DOCK3: variants seen among roughly 807,000 people sequenced by gnomAD.
DOCK3 encodes the protein dedicator of cytokinesis protein 3.
A neutral mutation model predicts 265.6 loss-of-function variants in DOCK3; 60 were observed. That is an observed-to-expected ratio of 0.23 (90% CI 0.18 to 0.28). The LOEUF (loss-of-function observed/expected upper bound fraction) is 0.28. Ranked by LOEUF, DOCK3 falls within the 10% of genes least tolerant of loss-of-function variation. The pLI is 1.00. For missense variants in DOCK3, 1,981 were observed against 2,594.3 expected (o/e 0.76, Z 5.14); for synonymous variants, 881 against 938.0 (o/e 0.94, Z 1.11).
chr3:51,377,148 G>C (rs1369459849), intron 51 of DOCK3, among the ~76,000 whole-genome samples: 1 of 152,232 alleles, frequency 6.6e-6, no homozygotes, highest in African/African-American at 2.4e-5. Context: ...TCAGGCCAAG[G>C]CCAGACTACG....
At chr3:51,334,446 T>C (rs895550878) in intron 35 of DOCK3, among the ~76,000 whole-genome samples, 1 of 152,204 alleles carries the variant, frequency 6.6e-6, no homozygotes, top group Non-Finnish European at 1.5e-5. Context: ...CAGTTGCTGC[T>C]GAAGTAGAAG....
At chr3:51,310,119 T>G in intron 27 of DOCK3, 113 bp from the exon 28 acceptor site, 1 of 785,600 alleles carries the variant, frequency 1.3e-6, no homozygotes, top group Non-Finnish European at 2.2e-6. Context: ...GAGAACCAGA[T>G]CTAACTCACT....
intron 32 of DOCK3, among the ~76,000 whole-genome samples, chr3:51,320,957 C>T (rs772477210): frequency 2.6e-5 from 4 of 152,240 alleles, no homozygotes; most frequent in Non-Finnish European, 5.9e-5. Flanking sequence ...GAATCTCCCA[C>T]CACAGTGTTT....
chr3:50,835,980 CAATA>C (rs1363011603), intron 2 of DOCK3, among the ~76,000 whole-genome samples: 1 of 152,104 alleles, frequency 6.6e-6, no homozygotes, highest in Middle Eastern at 3.2e-3. Flanking sequence ...CCATAACTGC[CAATA>C]GCCATTGCTA....
intron 1 of DOCK3, among the ~76,000 whole-genome samples, chr3:50,744,071 G>T (rs990179978): frequency 6.6e-6 from 1 of 152,110 alleles, no homozygotes; most frequent in Non-Finnish European, 1.5e-5. Context: ...TGTGCTTGTT[G>T]TTCATTTGTA....
intron 5 of DOCK3, among the ~76,000 whole-genome samples, chr3:50,968,553 ATT>A (rs749920591): frequency 1.4e-5 from 2 of 139,350 alleles, no homozygotes; most frequent in Admixed American, 7.2e-5. Flanking sequence ...TATGATTTCA[ATT>A]TTTTTTTTTT....
chr3:50,908,594 A>T (rs913132723), intron 4 of DOCK3, among the ~76,000 whole-genome samples: 1 of 151,826 alleles, frequency 6.6e-6, no homozygotes, highest in Non-Finnish European at 1.5e-5. Flanking sequence ...GACTGTCTTG[A>T]TTTTAGTTCT....
intron 9 of DOCK3, among the ~76,000 whole-genome samples, chr3:51,106,492 T>C (rs2083285399): frequency 6.6e-6 from 1 of 152,174 alleles, no homozygotes; most frequent in African/African-American, 2.4e-5. Flanking sequence ...CACCCTGCCA[T>C]GCCACACCTG....
intron 27 of DOCK3, among the ~76,000 whole-genome samples, chr3:51,309,911 C>T (rs926339388): frequency 2.0e-5 from 3 of 152,222 alleles, no homozygotes; most frequent in African/African-American, 7.2e-5. Flanking sequence ...TGGACTCAGT[C>T]GGACACCAGT....
intron 19 of DOCK3, among the ~76,000 whole-genome samples, chr3:51,231,045 C>T (rs906740552): frequency 6.6e-6 from 1 of 150,434 alleles, no homozygotes; most frequent in Non-Finnish European, 1.5e-5. Context: ...AGGAGCTAAA[C>T]TAATTTACAT....
chr3:51,035,064 G>A, intron 5 of DOCK3, among the ~76,000 whole-genome samples: 1 of 151,750 alleles, frequency 6.6e-6, no homozygotes, highest in Non-Finnish European at 1.5e-5. Context: ...TAGTCTGTTT[G>A]CGATTCATTG....
chr3:51,362,523 G>A lies in DOCK3; in HGVS notation c.5146-4G>A. On this transcript the variant is annotated splice_region_variant and splice_polypyrimidine_tract_variant and intron_variant, in intron 48 of 52. Coordinates refer to ENST00000266037, the MANE Select transcript of DOCK3 (RefSeq NM_004947.5). Reference sequence around the variant, plus strand: ...CTATCCTGCTGATTTTTCTCCCTTTGCAGCTCGCGTATCCCAACCCCAGGT... The same window carrying A: ...CTATCCTGCTGATTTTTCTCCCTTTACAGCTCGCGTATCCCAACCCCAGGT... 1 of 1,613,832 alleles carries A rather than the reference G, an allele frequency of 6.2e-7. No homozygotes were observed. Among genetic ancestry groups the A allele is most frequent in the South Asian group, 1.1e-5 (1 of 91,042 alleles).
At chr3:51,376,589 C>G (rs1236301476) in intron 51 of DOCK3, among the ~76,000 whole-genome samples, 1 of 152,198 alleles carries the variant, frequency 6.6e-6, no homozygotes, top group Non-Finnish European at 1.5e-5. Context: ...AGAACCTGGC[C>G]TCATATCCGC....
chr3:51,332,876 A>C, intron 33 of DOCK3, 125 bp from the exon 34 acceptor site: 1 of 1,245,552 alleles, frequency 8.0e-7, no homozygotes, highest in Non-Finnish European at 1.2e-6. Flanking sequence ...CTGGAGCCGA[A>C]CCCCTCCCTC....
At chr3:50,895,690 A>G (rs1413445482) in intron 4 of DOCK3, among the ~76,000 whole-genome samples, 1 of 151,640 alleles carries the variant, frequency 6.6e-6, no homozygotes, top group Non-Finnish European at 1.5e-5. Context: ...AACAGGCCCC[A>G]GTGTGTGATG....
chr3:50,864,437 T>C (rs1454822698), intron 3 of DOCK3, among the ~76,000 whole-genome samples: 1 of 152,206 alleles, frequency 6.6e-6, no homozygotes, highest in Non-Finnish European at 1.5e-5. Flanking sequence ...TGAAGAACTT[T>C]AGTTTGATAT....
chr3:51,116,654 G>A (rs978844829), intron 9 of DOCK3, among the ~76,000 whole-genome samples: 1 of 152,004 alleles, frequency 6.6e-6, no homozygotes, highest in Admixed American at 6.6e-5. Flanking sequence ...GTGGTTTGTA[G>A]TTCTCCTTGT....
intron 19 of DOCK3, 27 bp from the exon 20 acceptor site, chr3:51,236,318 A>C (rs1364140426): frequency 6.4e-7 from 1 of 1,570,722 alleles, no homozygotes; most frequent in East Asian, 2.2e-5. Context: ...CTGAGACCTG[A>C]GCCCTCTGCT....
chr3:51,026,235 A>G (rs898295798), intron 5 of DOCK3, among the ~76,000 whole-genome samples: 1 of 152,126 alleles, frequency 6.6e-6, no homozygotes, highest in Non-Finnish European at 1.5e-5. Flanking sequence ...TGAGATGGTC[A>G]TATGTTTTTT....
Sources: gnomAD v4.1 joint callset for allele counts (sites outside exome capture counted in the v4.1 genomes callset) on GRCh38, gnomAD v4.1.1 for gene constraint, MANE v1.5 for transcripts, NCBI Gene and HGNC (gene_info 2026-07-23, HGNC 2026-07-21) for gene names.